ERAP1: variants seen among roughly 807,000 people sequenced by gnomAD.
ERAP1 encodes the protein adipocyte-derived leucine aminopeptidase.
Under a neutral mutation model 103.7 loss-of-function variants are expected in ERAP1, and 86 were observed. The ratio of observed to expected loss-of-function variants is 0.83; its 90% CI spans 0.70 to 0.99. The LOEUF (loss-of-function observed/expected upper bound fraction) is 0.99. ERAP1 is among the 50% of genes least tolerant of loss of function. The pLI, the probability that ERAP1 is intolerant of heterozygous loss-of-function variation, is 0.00. For missense variants in ERAP1, 1,009 were observed against 1,128.4 expected (o/e 0.89, Z 1.52); for synonymous variants, 398 against 402.4 (o/e 0.99, Z 0.13).
At chr5:96,799,079 T>G (rs1020775517) in intron 3 of ERAP1, among the ~76,000 whole-genome samples, 6 of 151,964 alleles carry the variant, frequency 3.9e-5, no homozygotes, top group Non-Finnish European at 7.4e-5. Flanking sequence ...TTGGCCAGGC[T>G]GGTCTTGAAC....
At chr5:96,867,849 G>A in the ERAP1 span, among the ~76,000 whole-genome samples, 8 of 152,114 alleles carry the variant, frequency 5.3e-5, no homozygotes, top group Admixed American at 2.6e-4. Flanking sequence ...TGAGGCAGGC[G>A]GATTACCTGA....
the ERAP1 span, among the ~76,000 whole-genome samples, chr5:96,866,949 T>G: frequency 1.3e-5 from 2 of 152,044 alleles, no homozygotes; most frequent in Non-Finnish European, 2.9e-5. Context: ...CCTAGCTTTG[T>G]GCTTATTTCC....
chr5:96,907,278 T>G, the ERAP1 span, among the ~76,000 whole-genome samples: 4 of 152,146 alleles, frequency 2.6e-5, no homozygotes, highest in East Asian at 7.7e-4. Flanking sequence ...ATTAAACAAC[T>G]CAGTAACTAT....
At position 96,776,216 on chromosome 5, in the gene ERAP1, G is replaced by GTAT. The variant is rs760419647; in HGVS notation, c.*179_*180insATA. The GTAT allele has an allele frequency of 8.8e-5, 86 of 973,428 alleles. No homozygotes were observed. The highest frequency in any genetic ancestry group is 1.3e-4 in the Non-Finnish European group (86 of 677,582). The allele number at this position is 973,428 out of a possible 1,614,324, so 60.3% of individuals were successfully genotyped here. On this transcript the variant is annotated 3_prime_UTR_variant, in exon 19 of 19. Coordinates refer to ENST00000443439, the MANE Select transcript of ERAP1 (RefSeq NM_001040458.3). ...ACACCTGTGATGAACAAAACACATGGTAGCGATAGCCCATTCATGAAAAAC... is the reference window on the plus strand; with the variant it reads ...ACACCTGTGATGAACAAAACACATGGTATTAGCGATAGCCCATTCATGAAAAAC...
chr5:96,858,232 T>C, the ERAP1 span, among the ~76,000 whole-genome samples: 2 of 151,612 alleles, frequency 1.3e-5, no homozygotes, highest in Admixed American at 1.3e-4. Context: ...TTTTTTTTTT[T>C]TTGATGGAGT....
At chr5:96,802,327 C>T (rs1286364599) in intron 2 of ERAP1, among the ~76,000 whole-genome samples, 1 of 151,676 alleles carries the variant, frequency 6.6e-6, no homozygotes, top group Non-Finnish European at 1.5e-5. Flanking sequence ...AAAACATCTT[C>T]CCAACATATT....
At chr5:96,802,928 C>T (rs187857398) in intron 2 of ERAP1, among the ~76,000 whole-genome samples, 4 of 152,076 alleles carry the variant, frequency 2.6e-5, no homozygotes, top group Non-Finnish European at 5.9e-5. Flanking sequence ...CAGGGATCCA[C>T]GGCCACCACT....
chr5:96,855,301 A>C, the ERAP1 span, among the ~76,000 whole-genome samples: 1 of 152,238 alleles, frequency 6.6e-6, no homozygotes, highest in Non-Finnish European at 1.5e-5. Context: ...ACTTTCGATT[A>C]ATGATAAGGA....
At chr5:96,933,572 T>A in the ERAP1 span, among the ~76,000 whole-genome samples, 1 of 152,326 alleles carries the variant, frequency 6.6e-6, no homozygotes, top group Admixed American at 6.5e-5. Context: ...CATTTTTTTT[T>A]ATCACGTCTC....
At chr5:96,767,883 T>C in intron 19 of ERAP1, 1 of 1,510,826 alleles carries the variant, frequency 6.6e-7, no homozygotes, top group Non-Finnish European at 9.2e-7. Context: ...TCTTCACTGA[T>C]GGTTATTTCT....
intron 14 of ERAP1, among the ~76,000 whole-genome samples, chr5:96,783,589 C>T (rs1775552465): frequency 6.6e-6 from 1 of 152,106 alleles, no homozygotes; most frequent in African/African-American, 2.4e-5. Context: ...TGTGCCTCTT[C>T]CTCAAGTACC....
chr5:96,764,986 G>A (rs968400194), intron 19 of ERAP1, among the ~76,000 whole-genome samples: 4 of 152,050 alleles, frequency 2.6e-5, no homozygotes, highest in Admixed American at 6.6e-5. Context: ...GCAGGGTTGG[G>A]TGGAAGGTGC....
chr5:96,801,032 G>A lies in ERAP1; in HGVS notation c.525-32C>T, dbSNP rs773801557. ...TTAAGGCAAGTGAAATAAAAATTGA[G>A]CATGAAGCACCAGGAACTCTAAAAC... is the stretch of plus-strand genomic sequence containing the variant. On this transcript the variant is annotated intron_variant, in intron 2 of 18. Transcript: ENST00000443439. The A allele has an allele frequency of 4.8e-5, 77 of 1,612,264 alleles. No individual in the cohort carries two copies. The East Asian group carries it at 1.4e-3, about 28-fold the overall frequency.
chr5:96,896,965 T>TAAGTCATATGTTGGGTAACGATGGACTG, the ERAP1 span: 1 of 970,030 alleles, frequency 1.0e-6, no homozygotes, highest in South Asian at 2.3e-5. Context: ...GTCAACCATA[T>TAAGTCATATGTTGGGTAACGATGGACTG]TTATTCTGCT....
At chr5:96,795,197 C>T (rs1296646036) in intron 4 of ERAP1, 35 bp from the exon 5 acceptor site, 1 of 1,610,056 alleles carries the variant, frequency 6.2e-7, no homozygotes, top group South Asian at 1.1e-5. Context: ...ATTCAAATAT[C>T]TTAACTGGCT....
At chr5:96,822,918 T>C in the ERAP1 span, 1 of 376,436 alleles carries the variant, frequency 2.7e-6, no homozygotes, top group East Asian at 7.4e-5. Flanking sequence ...CAAGGTGTCA[T>C]CCAGGGATAC....
exon 20 of ERAP1, chr5:96,761,426 T>C (rs993357750): frequency 9.2e-5 from 14 of 152,186 alleles, no homozygotes; most frequent in Admixed American, 3.3e-4. Context: ...AAGTATCTTA[T>C]AGTTATCTAA....
chr5:96,891,499 GTATA>G, the ERAP1 span, among the ~76,000 whole-genome samples: 144 of 140,062 alleles, frequency 1.0e-3, 2 homozygotes, highest in African/African-American at 3.0e-3. Flanking sequence ...GTGTGTGTGT[GTATA>G]TATATATATA....
intron 7 of ERAP1, among the ~76,000 whole-genome samples, chr5:96,793,173 AT>A (rs1776925927): frequency 1.3e-5 from 2 of 152,264 alleles, no homozygotes; most frequent in Non-Finnish European, 2.9e-5. Context: ...AAATCGGACA[AT>A]TTACAAACAA....
Sources: allele counts gnomAD v4.1 joint callset (sites outside exome capture counted in the v4.1 genomes callset), GRCh38; gene constraint gnomAD v4.1.1; transcripts MANE v1.5; gene names NCBI Gene and HGNC (gene_info 2026-07-23, HGNC 2026-07-21).